PRH1: variants seen among roughly 807,000 people sequenced by gnomAD.
PRH1 encodes the protein proline rich protein HaeIII subfamily 1.
A neutral mutation model predicts 7.9 loss-of-function variants in PRH1; 7 were observed. The ratio of observed to expected loss-of-function variants is 0.89; its 90% CI spans 0.50 to 1.67. The LOEUF is 1.67. Among genes scored for constraint, PRH1 ranks in the 40% most tolerant of loss-of-function variants. PRH1 has a pLI of 0.00. For missense variants in PRH1, 109 were observed against 223.6 expected (o/e 0.49, Z 3.27); for synonymous variants, 45 against 80.8 (o/e 0.56, Z 2.38).
chr12:10,885,450 G>A (rs540539441), upstream of PRH1, among the ~76,000 whole-genome samples: 1 of 152,000 alleles, frequency 6.6e-6, no homozygotes, highest in South Asian at 2.1e-4. Context: ...GTAAAGGTGT[G>A]TGGTACTCCT....
intron 1 of PRH1, among the ~76,000 whole-genome samples, chr12:11,130,140 G>C (rs1263616570): frequency 6.6e-6 from 1 of 152,066 alleles, no homozygotes; most frequent in Middle Eastern, 3.2e-3. Flanking sequence ...GACAGAAAGA[G>C]ACCGTGTCTC....
chr12:11,021,355 A>G (rs1941617548), intron 1 of PRH1, among the ~76,000 whole-genome samples: 1 of 152,214 alleles, frequency 6.6e-6, no homozygotes. Flanking sequence ...GTTCTTAATT[A>G]TAAAGAGAGA....
At chr12:11,008,747 A>G (rs567190363) in intron 1 of PRH1, among the ~76,000 whole-genome samples, 1 of 142,390 alleles carries the variant, frequency 7.0e-6, no homozygotes, top group African/African-American at 2.5e-5. Flanking sequence ...TAATTTTATG[A>G]ATTTACTATA....
chr12:10,972,928 A>ATCCCCCCCCCCCC (rs1555119295), intron 2 of PRH1, among the ~76,000 whole-genome samples: 1 of 100,326 alleles, frequency 1.0e-5, no homozygotes, highest in African/African-American at 3.8e-5. Flanking sequence ...AAGCACCACA[A>ATCCCCCCCCCCCC]CCCACCCCCC....
chr12:11,005,235 A>G lies in PRH1; in HGVS notation c.-125-31514T>C, dbSNP rs575922274. ...ACACTATGTCCTGGCTATAAGATGA[A>G]ATTTTTCATACTGATGTTGAAGTGA... On this transcript the variant is annotated intron_variant, in intron 1 of 3. Coordinates refer to the PRH1 transcript ENST00000539853. 9.4e-4 allele frequency among the ~76,000 whole-genome samples: 143 copies of G among 152,254 alleles called. 1 individual carries two copies. In the Middle Eastern group the frequency reaches 0.014, roughly 14 times the overall value.
At chr12:11,002,104 T>A (rs1241235122) in intron 1 of PRH1, among the ~76,000 whole-genome samples, 2 of 152,128 alleles carry the variant, frequency 1.3e-5, no homozygotes, top group Non-Finnish European at 2.9e-5. Context: ...CAACTTGAAA[T>A]TTTCCATTTT....
chr12:10,925,388 T>C (rs1335477310), intron 2 of PRH1, among the ~76,000 whole-genome samples: 1 of 152,220 alleles, frequency 6.6e-6, no homozygotes, highest in African/African-American at 2.4e-5. Flanking sequence ...CCAGTCTCTC[T>C]CTTGGACTTC....
rs149891206 is a variant in PRH1, at chr12:11,007,502, T to C, written c.-125-33781A>G. On this transcript the variant is annotated intron_variant, in intron 1 of 3. Transcript: ENST00000539853. ...AAGTTACTCTCAAGTCTATTTAATG[T>C]TTAAATATTAATTATTTAATTAAAC... is the stretch of plus-strand genomic sequence containing the variant. 3.9e-3 allele frequency among the ~76,000 whole-genome samples: 594 copies of C among 152,206 alleles called. 1 individual carries two copies. Among genetic ancestry groups the C allele is most frequent in the African/African-American group, 0.014 (564 of 41,558 alleles).
chr12:10,996,993 A>G (rs141881879), intron 1 of PRH1: 1 of 1,613,666 alleles, frequency 6.2e-7, no homozygotes, highest in African/African-American at 1.3e-5. Flanking sequence ...GTCACCTGCC[A>G]CAAAACTGAA....
chr12:11,078,791 CT>C (rs2136227605), intron 1 of PRH1: 1 of 152,092 alleles, frequency 6.6e-6, no homozygotes, highest in East Asian at 1.9e-4. Context: ...GATTCTAAAC[CT>C]TTTATCAGAA....
chr12:10,906,575 AG>A, intron 2 of PRH1, among the ~76,000 whole-genome samples: 1 of 152,282 alleles, frequency 6.6e-6, no homozygotes, highest in East Asian at 1.9e-4. Context: ...GGAGGGACTC[AG>A]TGGGAGATAA....
intron 1 of PRH1, among the ~76,000 whole-genome samples, chr12:11,056,612 C>T (rs1943371796): frequency 6.6e-6 from 1 of 152,104 alleles, no homozygotes; most frequent in South Asian, 2.1e-4. Context: ...GAGGTTAGGA[C>T]TTCAAGACCA....
Position 11,097,485 on chromosome 12 carries a change from T to A in PRH1, n.124-50297A>T, listed in dbSNP as rs1245511338. ...AATTTTATTTACACGAAAATTAAAT[T>A]GTTTCTATCATGAGCATAGTGAAAG... On this transcript the variant is annotated intron_variant and non_coding_transcript_variant, in intron 1 of 4. Transcript: ENST00000541977. Among the ~76,000 whole-genome samples the A allele has an allele frequency of 1.7e-5, 2 of 114,642 alleles. 1 individual carries two copies. The highest frequency in any genetic ancestry group is 5.8e-5 in the African/African-American group (2 of 34,348). 75.2% of individuals were successfully genotyped at this position (114,642 alleles called of 152,430 possible). A position where few individuals can be genotyped will look rare whatever the true frequency, so the allele number is the denominator to read the frequency against.
chr12:11,089,218 T>G lies in PRH1; in HGVS notation n.124-42030A>C, dbSNP rs960651588. On this transcript the variant is annotated intron_variant and non_coding_transcript_variant, in intron 1 of 4. Coordinates refer to the PRH1 transcript ENST00000541977. ...TTGGGACTTGAATGCATCACCACAC[T>G]GTGGGCATAAGGTATGACTTTCATG... Among the ~76,000 whole-genome samples, 11 of 115,916 alleles carry G rather than the reference T, an allele frequency of 9.5e-5. 4 individuals carry two copies. Among genetic ancestry groups the G allele is most frequent in the African/African-American group, 3.2e-4 (11 of 34,524 alleles). 76.0% of individuals were successfully genotyped at this position (115,916 alleles called of 152,430 possible).
intron 2 of PRH1, among the ~76,000 whole-genome samples, chr12:10,935,546 T>G (rs1264580681): frequency 2.0e-5 from 3 of 152,064 alleles, no homozygotes; most frequent in Admixed American, 6.6e-5. Flanking sequence ...CTGCAGAGCA[T>G]GAATTGTCCT....
intron 1 of PRH1, among the ~76,000 whole-genome samples, chr12:11,125,294 C>T (rs75868152): frequency 9.2e-5 from 14 of 151,356 alleles, no homozygotes; most frequent in African/African-American, 3.4e-4. Context: ...AATTGACCTC[C>T]AGCAAAGAAT....
chr12:11,070,772 C>CG (rs1565620114), intron 1 of PRH1, among the ~76,000 whole-genome samples: 1 of 151,502 alleles, frequency 6.6e-6, no homozygotes, highest in Admixed American at 6.6e-5. Flanking sequence ...CCAAAAGACA[C>CG]TGTGGTCCAT....
intron 1 of PRH1, among the ~76,000 whole-genome samples, chr12:11,015,633 A>AT (rs1313026903): frequency 6.6e-6 from 1 of 152,006 alleles, no homozygotes; most frequent in African/African-American, 2.4e-5. Flanking sequence ...GAAGTGGGAG[A>AT]TTTTTTAAAA....
chr12:11,018,398 A>G (rs200488809), intron 1 of PRH1, among the ~76,000 whole-genome samples: 574 of 106,262 alleles, frequency 5.4e-3, no homozygotes, highest in East Asian at 0.038. Flanking sequence ...GGAGGGGACT[A>G]TATTGGACAC....
Sources: allele counts gnomAD v4.1 joint callset (sites outside exome capture counted in the v4.1 genomes callset), GRCh38; gene constraint gnomAD v4.1.1; transcripts MANE v1.5; gene names NCBI Gene and HGNC (gene_info 2026-07-23, HGNC 2026-07-21).